HTR2C: variants seen among roughly 807,000 people sequenced by gnomAD.
HTR2C encodes 5-hydroxytryptamine (serotonin) receptor 2C, G protein-coupled.
A neutral mutation model predicts 21.0 loss-of-function variants in HTR2C; 5 were observed. The ratio of observed to expected loss-of-function variants is 0.24; its 90% CI spans 0.12 to 0.50. The LOEUF is 0.50. Among genes scored for constraint, HTR2C ranks in the 20% least tolerant of loss-of-function variants. The pLI is 0.98. For synonymous variants in HTR2C, 150 were observed against 145.3 expected (o/e 1.03, Z -0.23); for missense variants, 271 against 371.2 (o/e 0.73, Z 2.22).
intron 2 of HTR2C, among the ~76,000 whole-genome samples, chrX:114,619,341 C>T (rs1556401121): frequency 9.0e-6 from 1 of 111,595 alleles, no homozygotes; most frequent in African/African-American, 3.3e-5. Flanking sequence ...ACTAGTTCTC[C>T]CAATTACGCA....
intron 2 of HTR2C, among the ~76,000 whole-genome samples, chrX:114,710,719 T>C (rs1013918248): frequency 1.8e-5 from 2 of 111,708 alleles, no homozygotes; most frequent in African/African-American, 6.5e-5. Flanking sequence ...GAGTTTTTTA[T>C]TCCCTTTTCT....
At chrX:114,833,381 T>C (rs1156681120) in intron 4 of HTR2C, among the ~76,000 whole-genome samples, 3 of 109,562 alleles carry the variant, frequency 2.7e-5, no homozygotes, top group African/African-American at 9.9e-5. Context: ...TTTCAGATCC[T>C]GTTATTGGTC....
chrX:114,868,262 T>C (rs2071062367), intron 5 of HTR2C, among the ~76,000 whole-genome samples: 1 of 111,237 alleles, frequency 9.0e-6, no homozygotes, highest in African/African-American at 3.3e-5. Context: ...GTGGCTATTT[T>C]TTAAGAAAAA....
intron 5 of HTR2C, among the ~76,000 whole-genome samples, chrX:114,897,609 A>G (rs2071306483): frequency 1.8e-5 from 2 of 111,429 alleles, no homozygotes; most frequent in Admixed American, 9.6e-5. Context: ...CTATGTGTCC[A>G]TGTGTTCTCA....
intron 2 of HTR2C, among the ~76,000 whole-genome samples, chrX:114,700,606 A>T (rs1412042002): frequency 4.4e-5 from 5 of 112,689 alleles, no homozygotes; most frequent in African/African-American, 1.6e-4. Context: ...GAACAGCTCC[A>T]GTCTACAGCT....
intron 4 of HTR2C, among the ~76,000 whole-genome samples, chrX:114,732,333 A>G (rs1037938371): frequency 1.2e-4 from 13 of 111,769 alleles, no homozygotes; most frequent in African/African-American, 3.9e-4. Context: ...AGTTTATACA[A>G]CTCTACAAAG....
At chrX:114,719,606 T>A (rs1044276050) in intron 2 of HTR2C, among the ~76,000 whole-genome samples, 1 of 111,883 alleles carries the variant, frequency 8.9e-6, no homozygotes, top group Non-Finnish European at 1.9e-5. Flanking sequence ...TGAGGAGACA[T>A]GATTTTGCCT....
intron 2 of HTR2C, among the ~76,000 whole-genome samples, chrX:114,724,231 T>G (rs1933351509): frequency 1.1e-5 from 1 of 92,018 alleles, no homozygotes. Context: ...TTAGGATAGT[T>G]AGCTCTTCTT....
intron 4 of HTR2C, among the ~76,000 whole-genome samples, chrX:114,806,501 T>TAC (rs1372742064): frequency 2.2e-5 from 2 of 89,348 alleles, no homozygotes; most frequent in African/African-American, 8.4e-5. Flanking sequence ...ACCATATATA[T>TAC]ACACCATATA....
At chrX:114,710,790 T>A (rs1932881177) in intron 2 of HTR2C, among the ~76,000 whole-genome samples, 2 of 111,242 alleles carry the variant, frequency 1.8e-5, no homozygotes, top group Non-Finnish European at 3.8e-5. Flanking sequence ...TATATCACAA[T>A]GACAGATTTA....
chrX:114,699,485 G>A (rs782193089), intron 2 of HTR2C, among the ~76,000 whole-genome samples: 1 of 111,822 alleles, frequency 8.9e-6, no homozygotes, highest in Admixed American at 9.5e-5. Context: ...TGTCAATTTT[G>A]CCTAATACCA....
chrX:114,665,401 A>C (rs1016894166), intron 2 of HTR2C, among the ~76,000 whole-genome samples: 31 of 112,102 alleles, frequency 2.8e-4, no homozygotes, highest in African/African-American at 9.4e-4. Context: ...TTTGTTTAAC[A>C]GAGTTATAAT....
intron 2 of HTR2C, among the ~76,000 whole-genome samples, chrX:114,621,467 C>A (rs149290801): frequency 9.0e-6 from 1 of 111,667 alleles, no homozygotes; most frequent in African/African-American, 3.3e-5. Context: ...TATTATTTAT[C>A]TTTTTGTATT....
chrX:114,607,710 G>A (rs1348714558), intron 1 of HTR2C, among the ~76,000 whole-genome samples: 1 of 111,461 alleles, frequency 9.0e-6, no homozygotes, highest in East Asian at 2.8e-4. Flanking sequence ...TAAAATCTGA[G>A]GCCAGGTGCA....
intron 2 of HTR2C, among the ~76,000 whole-genome samples, chrX:114,651,192 A>G (rs1482387708): frequency 8.9e-6 from 1 of 111,927 alleles, no homozygotes; most frequent in Non-Finnish European, 1.9e-5. Context: ...TATTTTTTCC[A>G]TGACACTACT....
intron 4 of HTR2C, among the ~76,000 whole-genome samples, chrX:114,784,666 G>C (rs1201748341): frequency 5.6e-5 from 6 of 107,077 alleles, no homozygotes; most frequent in East Asian, 2.9e-4. Context: ...GTCGCCCAGG[G>C]TGGAGTGCAG....
intron 2 of HTR2C, among the ~76,000 whole-genome samples, chrX:114,689,059 C>G (rs1932018725): frequency 9.3e-6 from 1 of 107,801 alleles, no homozygotes; most frequent in Non-Finnish European, 1.9e-5. Flanking sequence ...TACCTTAGCT[C>G]TCACTTATAA....
intron 1 of HTR2C, among the ~76,000 whole-genome samples, chrX:114,602,845 G>A (rs1397763862): frequency 3.1e-5 from 3 of 97,914 alleles, no homozygotes; most frequent in East Asian, 6.6e-4. Context: ...CGAGCTTGAT[G>A]TGTAGGGAAG....
chrX:114,655,848 C>G (rs1205581704), intron 2 of HTR2C, among the ~76,000 whole-genome samples: 6 of 111,443 alleles, frequency 5.4e-5, no homozygotes, highest in Admixed American at 9.6e-5. Context: ...CTTGCTGAAT[C>G]ATGGCACATT....
Sources: allele counts gnomAD v4.1 joint callset (sites outside exome capture counted in the v4.1 genomes callset), GRCh38; gene constraint gnomAD v4.1.1; transcripts MANE v1.5; gene names NCBI Gene and HGNC (gene_info 2026-07-23, HGNC 2026-07-21).